The following ERC1 variants were observed in gnomAD, a reference collection of about 807,000 sequenced individuals.
ERC1 encodes RAB6 interacting protein 2.
ERC1 carries 56 observed loss-of-function variants against 132.0 expected under a neutral mutation model. The ratio of observed to expected loss-of-function variants is 0.42; its 90% CI spans 0.34 to 0.53. The LOEUF is 0.53. Among genes scored for constraint, ERC1 ranks in the 20% least tolerant of loss-of-function variants. ERC1 has a pLI of 0.03. For synonymous variants in ERC1, 478 were observed against 476.1 expected, an observed-to-expected ratio of 1.00 and a Z score of -0.05; for missense variants, 1,202 against 1,349.9, an observed-to-expected ratio of 0.89 and a Z score of 1.72.
chr12:1,117,499 G>A (rs1052751336), intron 7 of ERC1, among the ~76,000 whole-genome samples: 1 of 152,150 alleles, frequency 6.6e-6, no homozygotes, highest in Non-Finnish European at 1.5e-5. Flanking sequence ...ATGAGATGCA[G>A]TAGTGGCTAA....
At chr12:1,112,675 AGAGTTT>A (rs1486059120) in intron 6 of ERC1, among the ~76,000 whole-genome samples, 1 of 152,194 alleles carries the variant, frequency 6.6e-6, no homozygotes, top group African/African-American at 2.4e-5. Context: ...CCTATCACCT[AGAGTTT>A]ATTTGAATTT....
rs56044523 is a variant in ERC1, at chr12:1,121,677, A to ATCTCTATC, written c.1569+5647_1569+5648insCTATCTCT. On this transcript the variant is annotated intron_variant, in intron 7 of 18. Transcript: ENST00000360905. ...TATCTCTATCTCTATCTCTATCTCT[A>ATCTCTATC]TCTATCTCTATCTCTATCTCTATCT... Among the ~76,000 whole-genome samples the ATCTCTATC allele has an allele frequency of 7.7e-3, 63 of 8,186 alleles. 2 individuals are homozygous for ATCTCTATC. The highest frequency in any genetic ancestry group is 0.02 in the Admixed American group (13 of 660). The allele number at this position is 8,186 out of a possible 152,430, so 5.4% of individuals were successfully genotyped here.
chr12:1,080,007 G>A (rs1941954646), intron 2 of ERC1, among the ~76,000 whole-genome samples: 1 of 152,342 alleles, frequency 6.6e-6, no homozygotes, highest in South Asian at 2.1e-4. Context: ...CAAGAAAAAT[G>A]TGGATTCATG....
At chr12:1,190,798 A>G (rs1955646703) in intron 12 of ERC1, among the ~76,000 whole-genome samples, 1 of 152,140 alleles carries the variant, frequency 6.6e-6, no homozygotes, top group South Asian at 2.1e-4. Context: ...AACTTTGTTA[A>G]TTACCTGTAT....
chr12:1,108,848 C>T (rs1043686175), intron 4 of ERC1, among the ~76,000 whole-genome samples: 1 of 152,136 alleles, frequency 6.6e-6, no homozygotes, highest in African/African-American at 2.4e-5. Flanking sequence ...TACATCCTCT[C>T]CTCCCCTCCC....
intron 15 of ERC1, among the ~76,000 whole-genome samples, chr12:1,364,999 G>A (rs1390239995): frequency 2.0e-5 from 3 of 152,174 alleles, no homozygotes; most frequent in Non-Finnish European, 2.9e-5. Context: ...GACAAACACA[G>A]ATTCAATGTT....
rs1286110033 is a variant in ERC1 at position 1,494,772 on chromosome 12, G to C, written c.*4542G>C. ...GCAGTTACATTGTGTCTGTTGTTGA[G>C]ATTATTAAAAGATTAAAACGTAGTT... On this transcript the variant is annotated 3_prime_UTR_variant, in exon 19 of 19. Transcript: ENST00000360905. The C allele has an allele frequency of 1.3e-5, 3 of 230,372 alleles. No homozygotes were observed. The highest frequency in any genetic ancestry group is 1.7e-5 in the Non-Finnish European group (2 of 116,322). 14.3% of individuals were successfully genotyped at this position (230,372 alleles called of 1,614,324 possible).
At chr12:1,104,679 TCTCA>T in intron 3 of ERC1, 67 bp from the exon 4 acceptor site, 1 of 1,054,510 alleles carries the variant, frequency 9.5e-7, no homozygotes. Flanking sequence ...ATACATCGGC[TCTCA>T]CTCCTCTTTG....
chr12:1,424,824 TAGATA>T (rs2092558851), intron 17 of ERC1, among the ~76,000 whole-genome samples: 3 of 140,194 alleles, frequency 2.1e-5, no homozygotes, highest in South Asian at 2.4e-4. Flanking sequence ...GATAGATAGA[TAGATA>T]GATAGATAGA....
At chr12:1,395,690 G>T (rs1481143588) in intron 16 of ERC1, among the ~76,000 whole-genome samples, 3 of 152,070 alleles carry the variant, frequency 2.0e-5, no homozygotes, top group Non-Finnish European at 4.4e-5. Flanking sequence ...TAGAAGCCAG[G>T]AATCCCATGC....
At chr12:1,371,294 T>C (rs1023230981) in intron 15 of ERC1, among the ~76,000 whole-genome samples, 1 of 152,214 alleles carries the variant, frequency 6.6e-6, no homozygotes, top group African/African-American at 2.4e-5. Flanking sequence ...GCAGTATTTG[T>C]CCTTCTGTGA....
intron 18 of ERC1, among the ~76,000 whole-genome samples, chr12:1,447,053 A>T (rs1441900016): frequency 6.6e-6 from 1 of 151,820 alleles, no homozygotes; most frequent in South Asian, 2.1e-4. Flanking sequence ...GGACAGTATT[A>T]AATTCAATTC....
chr12:1,370,399 A>G (rs922831413), intron 15 of ERC1, among the ~76,000 whole-genome samples: 1 of 152,236 alleles, frequency 6.6e-6, no homozygotes, highest in Non-Finnish European at 1.5e-5. Flanking sequence ...ATTTGCATTC[A>G]TGAGATGAAA....
chr12:1,093,168 A>G (rs1943469739), intron 3 of ERC1, among the ~76,000 whole-genome samples: 1 of 152,178 alleles, frequency 6.6e-6, no homozygotes, highest in Non-Finnish European at 1.5e-5. Context: ...CTTTATTAAC[A>G]TGATTTTGTA....
intron 8 of ERC1, among the ~76,000 whole-genome samples, chr12:1,156,361 C>T (rs1031941046): frequency 6.6e-6 from 1 of 152,034 alleles, no homozygotes; most frequent in East Asian, 1.9e-4. Context: ...CTGCCTCAGC[C>T]CCCTGAGTAG....
chr12:1,400,215 A>G (rs189114488), intron 16 of ERC1, among the ~76,000 whole-genome samples: 49 of 152,238 alleles, frequency 3.2e-4, no homozygotes, highest in African/African-American at 1.0e-3. Flanking sequence ...CTTACTGCCT[A>G]TTTGTGAATC....
At chr12:1,094,415 C>CT (rs376475740) in intron 3 of ERC1, among the ~76,000 whole-genome samples, 62,974 of 137,816 alleles carry the variant, frequency 0.46, 16,628 homozygotes, top group East Asian at 0.71. Flanking sequence ...CCTTCTCTCT[C>CT]TTTTTTTTTT....
At chr12:1,080,232 T>G (rs564434389) in intron 2 of ERC1, among the ~76,000 whole-genome samples, 1 of 152,340 alleles carries the variant, frequency 6.6e-6, no homozygotes, top group East Asian at 1.9e-4. Flanking sequence ...CAGAACTCTT[T>G]TCATCTTGAC....
chr12:1,075,020 A>G (rs1941100167), intron 2 of ERC1, among the ~76,000 whole-genome samples: 1 of 151,998 alleles, frequency 6.6e-6, no homozygotes, highest in Non-Finnish European at 1.5e-5. Flanking sequence ...GAGGGCTTTC[A>G]GTGTGCTTTG....
Sources: allele counts gnomAD v4.1 joint callset (sites outside exome capture counted in the v4.1 genomes callset), GRCh38; gene constraint gnomAD v4.1.1; transcripts MANE v1.5; gene names NCBI Gene and HGNC (gene_info 2026-07-23, HGNC 2026-07-21).